Variants in TSHZ3 observed in about 807,000 individuals in gnomAD.
TSHZ3 encodes the protein teashirt homolog 3.
A neutral mutation model predicts 64.5 loss-of-function variants in TSHZ3; 10 were observed. That is an observed-to-expected ratio of 0.16 (90% confidence interval 0.10 to 0.26). The LOEUF is 0.26. Among genes scored for constraint, TSHZ3 ranks in the 10% least tolerant of loss-of-function variants. The probability of loss-of-function intolerance (pLI) is 1.00; values close to 1 mark genes in which losing one functional copy is unlikely to be tolerated. For synonymous variants in TSHZ3, 608 were observed against 593.1 expected, an observed-to-expected ratio of 1.03 and a Z score of -0.36; for missense variants, 1,242 against 1,421.7, an observed-to-expected ratio of 0.87 and a Z score of 2.03.
At chr19:31,150,712 G>A (rs747754771) in exon 7 of TSHZ3, among the ~76,000 whole-genome samples, 4 of 152,178 alleles carry the variant, frequency 2.6e-5, no homozygotes, top group Non-Finnish European at 1.5e-5. Context: ...TGGTAAAAGG[G>A]CTATTTAGCC....
intron 4 of TSHZ3, chr19:31,207,425 A>G (rs1975196711): frequency 6.6e-6 from 1 of 152,192 alleles, no homozygotes; most frequent in Non-Finnish European, 1.5e-5. Context: ...AGTACTGCAA[A>G]GTTTAACTCT....
intron 3 of TSHZ3, among the ~76,000 whole-genome samples, chr19:31,236,025 G>T (rs568661034): frequency 7.2e-5 from 11 of 152,214 alleles, no homozygotes; most frequent in African/African-American, 2.6e-4. Context: ...TCATTCATGT[G>T]TCAACGTATG....
At chr19:31,249,853 G>A (rs563033549) in intron 1 of TSHZ3, among the ~76,000 whole-genome samples, 50 of 152,324 alleles carry the variant, frequency 3.3e-4, no homozygotes, top group African/African-American at 1.2e-3. Flanking sequence ...TCATCATGGA[G>A]ATAACAGATA....
intron 1 of TSHZ3, among the ~76,000 whole-genome samples, chr19:31,332,657 G>A (rs988482368): frequency 6.6e-6 from 1 of 152,064 alleles, no homozygotes; most frequent in Non-Finnish European, 1.5e-5. Flanking sequence ...CTTCAAAAAA[G>A]CTGCACAACT....
intron 1 of TSHZ3, among the ~76,000 whole-genome samples, chr19:31,326,205 G>C (rs1916926255): frequency 6.6e-6 from 1 of 152,168 alleles, no homozygotes; most frequent in Non-Finnish European, 1.5e-5. Context: ...TGGCAAAACT[G>C]CAATTACTTT....
chr19:31,295,193 C>T (rs1375199201), intron 1 of TSHZ3, among the ~76,000 whole-genome samples: 1 of 152,198 alleles, frequency 6.6e-6, no homozygotes, highest in African/African-American at 2.4e-5. Flanking sequence ...AGATACGGAA[C>T]ACTGGAACTT....
At chr19:31,253,506 A>G (rs190979238) in intron 1 of TSHZ3, among the ~76,000 whole-genome samples, 25 of 152,304 alleles carry the variant, frequency 1.6e-4, no homozygotes, top group Non-Finnish European at 3.4e-4. Flanking sequence ...GTCTCCAACA[A>G]TATGTGCAGA....
At chr19:31,273,472 C>T (rs1976174835), downstream of TSHZ3, among the ~76,000 whole-genome samples, 1 of 152,178 alleles carries the variant, frequency 6.6e-6, no homozygotes, top group East Asian at 1.9e-4. Context: ...TCCTCCCAAA[C>T]TGTCAAGAGC....
At chr19:31,331,122 T>G (rs1056602765) in intron 1 of TSHZ3, among the ~76,000 whole-genome samples, 3 of 152,020 alleles carry the variant, frequency 2.0e-5, no homozygotes, top group East Asian at 1.9e-4. Flanking sequence ...AAACGGCGCA[T>G]GTAACCCTGG....
At chr19:31,350,345 G>C (rs1050687396), upstream of TSHZ3, among the ~76,000 whole-genome samples, 1 of 151,784 alleles carries the variant, frequency 6.6e-6, no homozygotes, top group Non-Finnish European at 1.5e-5. Context: ...CGTCCCGGGG[G>C]TCGGTGTGGG....
At chr19:31,267,481 G>C (rs573284869) in intron 1 of TSHZ3, among the ~76,000 whole-genome samples, 1 of 151,824 alleles carries the variant, frequency 6.6e-6, no homozygotes, top group East Asian at 1.9e-4. Context: ...TCCCCTACCC[G>C]TGTCCCCAGA....
At chr19:31,189,305 T>A (rs1455788126) in intron 5 of TSHZ3, among the ~76,000 whole-genome samples, 3 of 152,010 alleles carry the variant, frequency 2.0e-5, no homozygotes, top group Non-Finnish European at 4.4e-5. Flanking sequence ...TTTACTTAGT[T>A]TTTTTCTTAT....
intron 1 of TSHZ3, among the ~76,000 whole-genome samples, chr19:31,331,053 CAGA>C (rs1186123291): frequency 6.6e-6 from 1 of 152,176 alleles, no homozygotes; most frequent in African/African-American, 2.4e-5. Context: ...AACCCAACGG[CAGA>C]GTTATGACTC....
At chr19:31,244,309 T>A (rs1975732283) in intron 1 of TSHZ3, among the ~76,000 whole-genome samples, 1 of 152,136 alleles carries the variant, frequency 6.6e-6, no homozygotes, top group African/African-American at 2.4e-5. Context: ...CCACTCTCTC[T>A]CTTCCTCCTG....
At chr19:31,159,234 C>T (rs1974342149) in intron 5 of TSHZ3, among the ~76,000 whole-genome samples, 1 of 152,146 alleles carries the variant, frequency 6.6e-6, no homozygotes, top group Non-Finnish European at 1.5e-5. Flanking sequence ...CTCCTGACCT[C>T]CGGTAATCCA....
At chr19:31,219,816 TA>T (rs1434228765) in intron 4 of TSHZ3, among the ~76,000 whole-genome samples, 3 of 149,206 alleles carry the variant, frequency 2.0e-5, no homozygotes, top group African/African-American at 4.9e-5. Context: ...TGTATATATA[TA>T]AAAAATATAT....
chr19:31,180,651 T>C (rs1205413566), intron 5 of TSHZ3, among the ~76,000 whole-genome samples: 1 of 152,228 alleles, frequency 6.6e-6, no homozygotes, highest in African/African-American at 2.4e-5. Flanking sequence ...TTAATGTTAA[T>C]TTTGGTCCCA....
At chr19:31,165,212 C>G (rs1974431325) in intron 5 of TSHZ3, among the ~76,000 whole-genome samples, 1 of 152,334 alleles carries the variant, frequency 6.6e-6, no homozygotes, top group African/African-American at 2.4e-5. Flanking sequence ...ATTCAGCTAC[C>G]GCTGTGAACC....
downstream of TSHZ3, among the ~76,000 whole-genome samples, chr19:31,271,728 G>A (rs952548116): frequency 3.3e-5 from 5 of 152,216 alleles, no homozygotes; most frequent in African/African-American, 1.2e-4. Context: ...GGAAATGTAT[G>A]TTCAGGCTGC....
Sources: gnomAD v4.1 joint callset for allele counts (sites outside exome capture counted in the v4.1 genomes callset) on GRCh38, gnomAD v4.1.1 for gene constraint, MANE v1.5 for transcripts, NCBI Gene and HGNC (gene_info 2026-07-23, HGNC 2026-07-21) for gene names.